FBN1: variants seen among roughly 807,000 people sequenced by gnomAD.
FBN1 encodes fibrillin-1.
FBN1 carries 29 observed loss-of-function variants against 365.1 expected under a neutral mutation model. The observed-to-expected ratio is 0.08, with a 90% CI of 0.06 to 0.11. The LOEUF (loss-of-function observed/expected upper bound fraction) is 0.11, where lower values mean the gene tolerates loss of function less well. FBN1 is among the 10% of genes least tolerant of loss of function. The pLI is 1.00. For missense variants in FBN1, 2,476 were observed against 3,703.2 expected, an observed-to-expected ratio of 0.67 and a Z score of 8.60; for synonymous variants, 1,210 against 1,270.5, an observed-to-expected ratio of 0.95 and a Z score of 1.01.
At chr15:48,617,561 A>G (rs755606422) in intron 2 of FBN1, among the ~76,000 whole-genome samples, 3 of 152,158 alleles carry the variant, frequency 2.0e-5, no homozygotes, top group Non-Finnish European at 4.4e-5. Context: ...TGTATGTTAC[A>G]TTTTTTTAAA....
chr15:48,452,802 C>T (rs1597538026), intron 44 of FBN1, 118 bp from the exon 45 acceptor site: 1 of 1,165,466 alleles, frequency 8.6e-7, no homozygotes, highest in East Asian at 2.5e-5. Flanking sequence ...GAAAAGACAA[C>T]ATAGATGTGT....
At position 48,420,780 on chromosome 15, in the gene FBN1, G is replaced by C; in HGVS notation, c.7726C>G (p.Arg2576Gly). ...ATGTTCTGGCAGCCATGCTGGCAGC[G>C]GTGGTTACCCTCACACTCGTCCACG... The part of the protein sequence containing the change: ...EDVDECEGNH[R>G]CQHGCQNIIG... The change falls in exon 63 of 66, where the codon CGC becomes GGC. Residue 2576 changes from arginine (R) to glycine (G), a missense_variant. Physicochemically the swap from Arg to Gly is moderately radical, Grantham distance 125. Transcript: ENST00000316623. 6.2e-7 allele frequency: 1 copy of C among 1,613,990 alleles called. No homozygotes were observed. Among genetic ancestry groups the C allele is most frequent in the Non-Finnish European group, 8.5e-7 (1 of 1,179,968 alleles).
At chr15:48,465,920 T>C (rs2043317796) in intron 38 of FBN1, 62 bp from the exon 39 acceptor site, 2 of 1,101,862 alleles carry the variant, frequency 1.8e-6, no homozygotes, top group Non-Finnish European at 2.8e-6. Context: ...AATAGTATCC[T>C]CAAGAGAAAT....
At chr15:48,520,456 G>A (rs2043841799) in intron 10 of FBN1, among the ~76,000 whole-genome samples, 1 of 152,156 alleles carries the variant, frequency 6.6e-6, no homozygotes, top group South Asian at 2.1e-4. Flanking sequence ...GTAAAAAGCA[G>A]TACCTGAAAA....
chr15:48,582,963 G>A (rs899009542), intron 6 of FBN1, among the ~76,000 whole-genome samples: 4 of 152,230 alleles, frequency 2.6e-5, no homozygotes, highest in South Asian at 2.1e-4. Flanking sequence ...ATGGTCAGCC[G>A]GAGCCATCAA....
intron 61 of FBN1, 38 bp downstream of exon 61, chr15:48,421,914 G>T (rs770091731): frequency 6.9e-7 from 1 of 1,451,254 alleles, no homozygotes; most frequent in Non-Finnish European, 9.7e-7. Flanking sequence ...TAAAAGAATC[G>T]CTACAATCCA....
At chr15:48,621,832 C>CAAA (rs764161767) in intron 2 of FBN1, among the ~76,000 whole-genome samples, 6 of 114,880 alleles carry the variant, frequency 5.2e-5, no homozygotes, top group African/African-American at 1.9e-4. Flanking sequence ...ACTAAAAATA[C>CAAA]AAAAAAAAAA....
chr15:48,518,332 C>A (rs1733893433), intron 10 of FBN1, among the ~76,000 whole-genome samples: 1 of 152,250 alleles, frequency 6.6e-6, no homozygotes, highest in Non-Finnish European at 1.5e-5. Context: ...TAACTCATGA[C>A]TAGTTCCCAC....
rs553411757 is a variant in FBN1, at chr15:48,489,855, G to A, written c.3078C>T (p.Phe1026=). The part of the protein sequence containing the change: ...TKEITNGKPF[F]KDINECKMIP... Reference sequence around the variant, plus strand: ...ATGGAAAACGTAACATTGTACCTTTGAAGAAAGGCTTTCCATTTGTAATTT... The same window carrying A: ...ATGGAAAACGTAACATTGTACCTTTAAAGAAAGGCTTTCCATTTGTAATTT... Residue 1026 remains phenylalanine (F), a synonymous_variant, in exon 25 of 66, where the codon TTC becomes TTT. Transcript: ENST00000316623. 79 of 1,613,702 alleles carry A rather than the reference G, an allele frequency of 4.9e-5. No homozygotes were observed. In the South Asian group the frequency reaches 8.3e-4, roughly 17 times the overall value.
intron 36 of FBN1, among the ~76,000 whole-genome samples, chr15:48,469,389 A>G (rs114914666): frequency 6.6e-6 from 1 of 152,050 alleles, no homozygotes; most frequent in Non-Finnish European, 1.5e-5. Context: ...GTCGGCAAGG[A>G]GTGTCTCTCC....
intron 14 of FBN1, 139 bp from the exon 15 acceptor site, chr15:48,508,843 A>G (rs2043734868): frequency 1.0e-6 from 1 of 996,496 alleles, no homozygotes; most frequent in Non-Finnish European, 1.5e-6. Flanking sequence ...TCATCCAAAT[A>G]AGATCATCTA....
chr15:48,561,755 T>C (rs953375301), intron 6 of FBN1, among the ~76,000 whole-genome samples: 1 of 152,170 alleles, frequency 6.6e-6, no homozygotes, highest in Non-Finnish European at 1.5e-5. Flanking sequence ...TTAGCGTATG[T>C]TTTTACTCAT....
intron 48 of FBN1, 44 bp downstream of exon 48, chr15:48,445,332 C>G (rs1351393660): frequency 1.9e-6 from 3 of 1,605,834 alleles, no homozygotes; most frequent in Non-Finnish European, 2.6e-6. Flanking sequence ...CTTGAGTGGT[C>G]TCTGGAAGCA....
chr15:48,429,576 C>A (rs2043009838), intron 56 of FBN1, among the ~76,000 whole-genome samples: 1 of 152,132 alleles, frequency 6.6e-6, no homozygotes, highest in Admixed American at 6.5e-5. Context: ...AAAACAGGTT[C>A]AAAACCCCAA....
intron 4 of FBN1, among the ~76,000 whole-genome samples, chr15:48,604,544 A>G (rs2044591805): frequency 6.6e-6 from 1 of 152,214 alleles, no homozygotes; most frequent in African/African-American, 2.4e-5. Flanking sequence ...AAATTCTCAA[A>G]CAAACAAATA....
chr15:48,508,702 T>C lies in FBN1; in HGVS notation c.1717A>G (p.Met573Val), dbSNP rs1338923661. 6.2e-7 allele frequency: 1 copy of C among 1,613,620 alleles called. No individual in the cohort carries two copies. The highest frequency in any genetic ancestry group is 8.5e-7 in the Non-Finnish European group (1 of 1,179,654). Reference protein sequence around the residue: ...VTRDGKNCEDMDECSIRNMCL... With the variant: ...VTRDGKNCEDVDECSIRNMCL... ...ATGTTCCTTATGCTGCATTCATCCA[T>C]ATCTGAAAATACAAAACATACATTT... Residue 573 changes from methionine to valine, a missense_variant and splice_region_variant, in exon 15 of 66, where the codon ATG (methionine) becomes GTG (valine). Met to Val is a conservative substitution (Grantham distance 21, BLOSUM62 1). This residue lies in a region of FBN1 where 1,780 missense variants were observed against 2,840.8 expected (regional missense o/e 0.63). Transcript: ENST00000316623.
intron 6 of FBN1, among the ~76,000 whole-genome samples, chr15:48,574,145 C>A (rs888601394): frequency 2.0e-5 from 3 of 152,134 alleles, no homozygotes; most frequent in Non-Finnish European, 2.9e-5. Flanking sequence ...CAATATTAGA[C>A]CCTAAAGATA....
At chr15:48,578,721 T>C (rs527868503) in intron 6 of FBN1, among the ~76,000 whole-genome samples, 128 of 150,398 alleles carry the variant, frequency 8.5e-4, no homozygotes, top group African/African-American at 3.0e-3. Context: ...ATGGATGAAA[T>C]TGGAAACCAT....
Position 48,419,033 on chromosome 15 carries a change from G to T in FBN1, c.7819+1654C>A, listed in dbSNP as rs185662456. Among the ~76,000 whole-genome samples the T allele has an allele frequency of 2.1e-4, 32 of 152,304 alleles. No homozygotes were observed. In the East Asian group the frequency reaches 6.0e-3, roughly 29 times the overall value. On this transcript the variant is annotated intron_variant, in intron 63 of 65. Coordinates refer to ENST00000316623, the MANE Select transcript of FBN1 (RefSeq NM_000138.5). The stretch of plus-strand genomic sequence containing the variant: ...AGAGTGAACTTCCAGCCACCTGGGA[G>T]TGAGGATCCAGGGAGGGCTGGTCTA...
Sources: gnomAD v4.1 joint callset for allele counts (sites outside exome capture counted in the v4.1 genomes callset) on GRCh38, gnomAD v4.1.1 for gene constraint, gnomAD v4.1.1 regional missense constraint, MANE v1.5 for transcripts, NCBI Gene and HGNC (gene_info 2026-07-23, HGNC 2026-07-21) for gene names.